FRMPD3: variants seen among roughly 807,000 people sequenced by gnomAD.
FRMPD3 encodes the protein FERM and PDZ domain containing 3.
FRMPD3 carries 42 observed loss-of-function variants against 97.9 expected under a neutral mutation model. The observed-to-expected ratio is 0.43, with a 90% CI of 0.34 to 0.55. The LOEUF is 0.55. FRMPD3 is among the 20% of genes least tolerant of loss of function. The pLI is 0.03. For synonymous variants in FRMPD3, 577 were observed against 581.1 expected (o/e 0.99, Z 0.10); for missense variants, 1,303 against 1,457.7 (o/e 0.89, Z 1.73).
At chrX:107,547,426 G>A (rs1276720384) in intron 5 of FRMPD3, among the ~76,000 whole-genome samples, 5 of 108,883 alleles carry the variant, frequency 4.6e-5, no homozygotes, top group Admixed American at 2.0e-4. Flanking sequence ...CTCTCCATAC[G>A]TCACAGCTAG....
intron 1 of FRMPD3, among the ~76,000 whole-genome samples, chrX:107,514,825 C>T (rs1370704887): frequency 9.0e-6 from 1 of 111,149 alleles, no homozygotes; most frequent in Non-Finnish European, 1.9e-5. Context: ...TGTGCCCGGT[C>T]TTGGATGGGT....
chrX:107,541,859 G>A (rs1921321854), intron 4 of FRMPD3, among the ~76,000 whole-genome samples: 1 of 112,219 alleles, frequency 8.9e-6, no homozygotes, highest in Admixed American at 9.4e-5. Flanking sequence ...TTCTGGTTTC[G>A]GCTCTGCTAC....
intron 13 of FRMPD3, among the ~76,000 whole-genome samples, chrX:107,579,644 CCAGAAAGG>C (rs1569426373): frequency 2.0e-4 from 22 of 111,349 alleles, no homozygotes; most frequent in African/African-American, 7.2e-4. Flanking sequence ...GTTTGAGGGC[CCAGAAAGG>C]CTTTGAGCTT....
chrX:107,522,140 C>T (rs1175952380), intron 1 of FRMPD3, among the ~76,000 whole-genome samples: 1 of 110,857 alleles, frequency 9.0e-6, no homozygotes, highest in African/African-American at 3.3e-5. Context: ...GAGTACGTTG[C>T]GGGGCTGTCT....
In FRMPD3 at chrX:107,590,374, A is replaced by G. The variant is rs548864639; in HGVS notation, c.1442-6947A>G. 2.0e-4 allele frequency among the ~76,000 whole-genome samples: 22 copies of G among 112,201 alleles called. No individual in the cohort carries two copies. In the South Asian group the frequency reaches 8.2e-3, roughly 42 times the overall value. On this transcript the variant is annotated intron_variant, in intron 13 of 14. Coordinates refer to ENST00000683843, the MANE Select transcript of FRMPD3 (RefSeq NM_001388459.1). Reference sequence around the variant, plus strand: ...AGAAAAGAAAGAAAGAAAGAAAGAAAGAAAAGAAATGGTGAGAACAGACAT... The same window carrying G: ...AGAAAAGAAAGAAAGAAAGAAAGAAGGAAAAGAAATGGTGAGAACAGACAT...
At position 107,479,871 on chromosome X, in the gene FRMPD3, G is replaced by C. The variant is rs749422224; in HGVS notation, c.-8+29866G>C. On this transcript the variant is annotated intron_variant, in intron 1 of 14. Coordinates refer to ENST00000683843, the MANE Select transcript of FRMPD3 (RefSeq NM_001388459.1). ...ACACACACACACACACACACAGAGA[G>C]AGAGAGAGGGTGCAAAACTGGCCAA... Among the ~76,000 whole-genome samples the C allele has an allele frequency of 1.7e-3, 185 of 108,647 alleles. 1 individual carries two copies. Among genetic ancestry groups the C allele is most frequent in the African/African-American group, 5.9e-3 (175 of 29,601 alleles). The allele number at this position is 108,647 out of a possible 115,157, so 94.3% of individuals were successfully genotyped here.
intron 4 of FRMPD3, among the ~76,000 whole-genome samples, chrX:107,543,134 C>T (rs1238848322): frequency 9.0e-6 from 1 of 111,020 alleles, no homozygotes; most frequent in Non-Finnish European, 1.9e-5. Context: ...GGTCTCCATG[C>T]TCTTGCCATT....
intron 13 of FRMPD3, 93 bp downstream of exon 13, chrX:107,576,552 C>T: frequency 1.0e-6 from 1 of 996,822 alleles, no homozygotes; most frequent in Non-Finnish European, 1.4e-6. Flanking sequence ...TAGTGCTCAC[C>T]CCGTGCCAAC....
intron 1 of FRMPD3, among the ~76,000 whole-genome samples, chrX:107,484,281 C>T (rs183265346): frequency 9.0e-4 from 101 of 112,535 alleles, no homozygotes; most frequent in African/African-American, 3.2e-3. Context: ...AAGGGGCCTC[C>T]GGTCAGAACC....
rs1001093954 is a variant in FRMPD3, at chrX:107,509,088, C to G, written c.-7-17494C>G. Among the ~76,000 whole-genome samples, 3 of 111,964 alleles carry G rather than the reference C, an allele frequency of 2.7e-5. No individual in the cohort carries two copies. The Admixed American group carries it at 2.8e-4, about 11-fold the overall frequency. ...CTCATTGATATTCGCCCCGCTCCCCCCAGCTTGGCCTCTGTGAGCTGAAAC... is the reference window on the plus strand; with the variant it reads ...CTCATTGATATTCGCCCCGCTCCCCGCAGCTTGGCCTCTGTGAGCTGAAAC... On this transcript the variant is annotated intron_variant, in intron 1 of 14. Coordinates refer to ENST00000683843, the MANE Select transcript of FRMPD3 (RefSeq NM_001388459.1).
chrX:107,498,244 T>C (rs1921822060), intron 1 of FRMPD3, among the ~76,000 whole-genome samples: 1 of 112,241 alleles, frequency 8.9e-6, no homozygotes, highest in African/African-American at 3.2e-5. Context: ...TCAGATCGCC[T>C]GAAGGAAACA....
chrX:107,546,858 C>T (rs1415763836), intron 5 of FRMPD3, among the ~76,000 whole-genome samples: 2 of 111,710 alleles, frequency 1.8e-5, no homozygotes, highest in African/African-American at 3.3e-5. Context: ...GGGAAATCAG[C>T]AGGGTGCCAG....
chrX:107,578,450 A>G (rs1011550672), intron 13 of FRMPD3, among the ~76,000 whole-genome samples: 2 of 111,621 alleles, frequency 1.8e-5, no homozygotes, highest in Non-Finnish European at 3.8e-5. Context: ...GTTTTCTTGC[A>G]TTCTCTATGG....
chrX:107,467,486 T>G (rs1931593613), intron 1 of FRMPD3, among the ~76,000 whole-genome samples: 1 of 111,265 alleles, frequency 9.0e-6, no homozygotes, highest in Admixed American at 9.5e-5. Flanking sequence ...TCACACCTTA[T>G]GACTACATCA....
intron 12 of FRMPD3, among the ~76,000 whole-genome samples, chrX:107,565,363 A>G (rs936356536): frequency 8.1e-5 from 9 of 111,695 alleles, no homozygotes; most frequent in African/African-American, 2.9e-4. Context: ...CCCCCAGACC[A>G]CTGCTTCCCA....
At chrX:107,521,659 TG>T (rs761767756) in intron 1 of FRMPD3, among the ~76,000 whole-genome samples, 164 of 112,184 alleles carry the variant, frequency 1.5e-3, no homozygotes, top group Non-Finnish European at 2.7e-3. Flanking sequence ...GGGGCCCAGC[TG>T]CTAGCCTGCC....
At position 107,545,910 on chromosome X, in the gene FRMPD3, C is replaced by G. The variant is rs763732521; in HGVS notation, c.402+69C>G. 1,356 of 848,499 alleles carry G rather than the reference C, an allele frequency of 1.6e-3. 3 individuals carry two copies. Among genetic ancestry groups the G allele is most frequent in the Middle Eastern group, 2.9e-3 (9 of 3,127 alleles). 69.9% of individuals were successfully genotyped at this position (848,499 alleles called of 1,213,427 possible). On this transcript the variant is annotated intron_variant, in intron 5 of 14. Transcript: ENST00000683843. ...TCTGCCTGGCTGTCAAGCTCTCGCT[C>G]TGGGGCTTCTTATAGTGGACAGCTT...
intron 1 of FRMPD3, among the ~76,000 whole-genome samples, chrX:107,500,159 T>C (rs972524675): frequency 3.6e-5 from 4 of 111,732 alleles, no homozygotes; most frequent in African/African-American, 1.3e-4. Flanking sequence ...AGCTGACACT[T>C]GGCCCCATGA....
At position 107,533,540 on chromosome X, in the gene FRMPD3, AC is replaced by A; in HGVS notation, c.288del (p.His96GlnfsTer19). 8.3e-7 allele frequency: 1 copy of A among 1,205,824 alleles called. No individual in the cohort carries two copies. Among genetic ancestry groups the A allele is most frequent in the South Asian group, 1.8e-5 (1 of 56,465 alleles). ...GAATTCATCGTTCTTACAGTTCTGC[AC>A]ACTCATCAGGTGAGTGAGCCTCTTT... ...AKEFIVLTVL[H>X]THQSPKSAFI... On this transcript the variant is annotated frameshift_variant, in exon 4 of 15. Coordinates refer to ENST00000683843, the MANE Select transcript of FRMPD3 (RefSeq NM_001388459.1). LOFTEE classifies it high-confidence loss of function.
Sources: gnomAD v4.1 joint callset for allele counts (sites outside exome capture counted in the v4.1 genomes callset) on GRCh38, gnomAD v4.1.1 for gene constraint, MANE v1.5 for transcripts, NCBI Gene and HGNC (gene_info 2026-07-23, HGNC 2026-07-21) for gene names.